The following IGSF9B variants were observed in gnomAD, a reference collection of about 807,000 sequenced individuals.
The protein encoded by IGSF9B is protein turtle homolog B.
A neutral mutation model predicts 143.7 loss-of-function variants in IGSF9B; 48 were observed. That is an observed-to-expected ratio of 0.33 (90% CI 0.26 to 0.42). The LOEUF (loss-of-function observed/expected upper bound fraction) is 0.42. Ranked by LOEUF, IGSF9B falls within the 20% of genes least tolerant of loss-of-function variation. The pLI, the probability that IGSF9B is intolerant of heterozygous loss-of-function variation, is 1.00. For synonymous variants in IGSF9B, 903 were observed against 833.1 expected (o/e 1.08, Z -1.44); for missense variants, 1,706 against 1,980.0 (o/e 0.86, Z 2.63).
chr11:133,914,434 C>G (rs979539382), intron 18 of IGSF9B, among the ~76,000 whole-genome samples: 1 of 152,190 alleles, frequency 6.6e-6, no homozygotes, highest in Non-Finnish European at 1.5e-5. Context: ...GTACTTGAGG[C>G]GAGCACTGAC....
chr11:133,947,426 G>C (rs1940073622), intron 1 of IGSF9B, among the ~76,000 whole-genome samples: 2 of 152,218 alleles, frequency 1.3e-5, no homozygotes, highest in South Asian at 4.1e-4. Flanking sequence ...TCTGGTCCCA[G>C]GCCGGGCACC....
Position 133,953,871 on chromosome 11 carries a change from C to G in IGSF9B, c.64+2820G>C, listed in dbSNP as rs904353471. 6.6e-6 allele frequency among the ~76,000 whole-genome samples: 1 copy of G among 152,208 alleles called. No homozygotes were observed. The highest frequency in any genetic ancestry group is 2.4e-5 in the African/African-American group (1 of 41,458). ...TTCTGGGTACCACTCCAGCCCCTCT[C>G]TTCTCCACACTTCCCCAACCTGTCC... On this transcript the variant is annotated intron_variant, in intron 1 of 19. Transcript: ENST00000533871. This position sits in a 1 kb window ranked among gnomAD's most constrained non-coding sequence, Gnocchi z 4.2.
chr11:133,944,102 G>A (rs1042288818), intron 3 of IGSF9B, 118 bp downstream of exon 3: 8 of 1,113,290 alleles, frequency 7.2e-6, no homozygotes, highest in Non-Finnish European at 1.0e-5. Context: ...AACAAGGAGG[G>A]GGGCAGGGGG....
intron 17 of IGSF9B, 61 bp downstream of exon 17, chr11:133,922,116 G>A (rs1382162661): frequency 3.5e-5 from 49 of 1,396,226 alleles, no homozygotes; most frequent in Middle Eastern, 3.5e-4. Context: ...TAAGGCGAGC[G>A]GTCTACCTAT....
intron 19 of IGSF9B, among the ~76,000 whole-genome samples, chr11:133,911,573 A>G (rs1242809350): frequency 6.6e-6 from 1 of 152,274 alleles, no homozygotes; most frequent in Non-Finnish European, 1.5e-5. Flanking sequence ...GTAGGCACAG[A>G]AAAGTTTCCA....
At position 133,905,906 on chromosome 11, in the gene IGSF9B, C is replaced by T. The variant is rs901622801; in HGVS notation, c.*3163G>A. ...CCTCGTCGTACATCTTCTCTCCCCACGCAAATGCAGTTGTCCAGGCCCCGC... is the reference window on the plus strand; with the variant it reads ...CCTCGTCGTACATCTTCTCTCCCCATGCAAATGCAGTTGTCCAGGCCCCGC... On this transcript the variant is annotated 3_prime_UTR_variant, in exon 20 of 20. Transcript: ENST00000533871. This position sits in a 1 kb window ranked among gnomAD's most constrained non-coding sequence, Gnocchi z 4.0. Among the ~76,000 whole-genome samples the T allele has an allele frequency of 2.6e-5, 4 of 152,240 alleles. No homozygotes were observed. Among genetic ancestry groups the T allele is most frequent in the African/African-American group, 4.8e-5 (2 of 41,470 alleles).
intron 1 of IGSF9B, 93 bp downstream of exon 1, chr11:133,956,598 C>T: frequency 1.2e-6 from 1 of 855,476 alleles, no homozygotes; most frequent in Admixed American, 2.5e-5. Context: ...GCTGGGGAAC[C>T]GGGGGGCCAA....
At chr11:133,951,993 C>T (rs1339656264) in intron 1 of IGSF9B, 4 of 451,958 alleles carry the variant, frequency 8.9e-6, no homozygotes, top group Admixed American at 2.4e-5. Flanking sequence ...GGGGCACACA[C>T]GACCAGGAGG....
Position 133,921,257 on chromosome 11 carries a change from G to A in IGSF9B, c.2468C>T (p.Thr823Ile). The A allele has an allele frequency of 6.2e-7, 1 of 1,611,270 alleles. No individual in the cohort carries two copies. The highest frequency in any genetic ancestry group is 8.5e-7 in the Non-Finnish European group (1 of 1,179,224). Residue 823 changes from threonine (T) to isoleucine (I), a missense_variant, in exon 18 of 20, where the codon ACC (threonine) becomes ATC (isoleucine). This residue lies in a region of IGSF9B where 135 missense variants were observed against 181.3 expected (regional missense o/e 0.74). Coordinates refer to ENST00000533871, the MANE Select transcript of IGSF9B (RefSeq NM_001277285.4). ...CTTCTTGCTGCTGATGGCCCGCTTG[G>A]TCTTCTTGTACAGCGACAGCTCCTT... is the stretch of plus-strand genomic sequence containing the variant. ...REKELSLYKK[T>I]KRAISSKKYS...
chr11:133,937,320 G>A, intron 5 of IGSF9B, 56 bp downstream of exon 5: 8 of 1,343,098 alleles, frequency 6.0e-6, no homozygotes, highest in Non-Finnish European at 8.4e-6. Flanking sequence ...AGCTCAGCCG[G>A]GCTGGACATC....
In IGSF9B at chr11:133,903,066, C is replaced by G. The variant is rs1939164785; in HGVS notation, c.*6003G>C. ...CTCCCACCACCTCCCCATCGTAAAC[C>G]ACGCACATGTTCACGATCCCTGGAG... On this transcript the variant is annotated 3_prime_UTR_variant, in exon 20 of 20. Transcript: ENST00000533871. Among the ~76,000 whole-genome samples the G allele has an allele frequency of 6.6e-6, 1 of 151,994 alleles. No individual in the cohort carries two copies. The highest frequency in any genetic ancestry group is 1.5e-5 in the Non-Finnish European group (1 of 68,014).
chr11:133,940,071 AACAT>A (rs1393358627), intron 3 of IGSF9B, among the ~76,000 whole-genome samples: 1 of 134,656 alleles, frequency 7.4e-6, no homozygotes, highest in Non-Finnish European at 1.6e-5. Context: ...CATATACAGA[AACAT>A]ACACCTTGCA....
chr11:133,947,780 CTG>C (rs781322302), intron 1 of IGSF9B, among the ~76,000 whole-genome samples: 1 of 148,072 alleles, frequency 6.8e-6, no homozygotes, highest in Non-Finnish European at 1.5e-5. Context: ...ACTGGTTCCT[CTG>C]TGTGTCTGTC....
In IGSF9B at chr11:133,907,705, C is replaced by T. The variant is rs1170707339; in HGVS notation, c.*1364G>A. ...ACTTTGGCAGAGGAAGAGTCAGTGC[C>T]CAGACCCTACTCACCACCCCTCCCG... is the stretch of plus-strand genomic sequence containing the variant. On this transcript the variant is annotated 3_prime_UTR_variant, in exon 20 of 20. Transcript: ENST00000533871. 6.6e-6 allele frequency among the ~76,000 whole-genome samples: 1 copy of T among 152,138 alleles called. No homozygotes were observed. Among genetic ancestry groups the T allele is most frequent in the Non-Finnish European group, 1.5e-5 (1 of 68,026 alleles).
rs1454953059 is a variant in IGSF9B, at chr11:133,932,207, G to A, written c.974C>T (p.Ala325Val). 2 of 1,560,600 alleles carry A rather than the reference G, an allele frequency of 1.3e-6. No individual in the cohort carries two copies. Among genetic ancestry groups the A allele is most frequent in the African/African-American group, 1.4e-5 (1 of 73,634 alleles). The change falls in exon 8 of 20, where the codon GCG becomes GTG. Residue 325 changes from alanine to valine, a missense_variant. Around this residue, in one of 7 missense-constraint regions of IGSF9B, gnomAD observed 238 missense variants for 452.6 expected, o/e 0.53. Transcript: ENST00000533871. ...ASAYLTVQYPARVLNMPPVIY... is the reference protein window; with the variant it reads ...ASAYLTVQYPVRVLNMPPVIY... ...CACAGGGGGCATGTTGAGGACACGC[G>A]CTGGGTCTGCATAGAGGAAGCGCAG...
At chr11:133,918,918 A>G (rs531979452) in intron 18 of IGSF9B, 1 of 458,590 alleles carries the variant, frequency 2.2e-6, no homozygotes, top group Non-Finnish European at 4.4e-6. Flanking sequence ...AGGAGAGAGA[A>G]AGACTGACTG....
At chr11:133,956,594 G>A (rs1940260164) in intron 1 of IGSF9B, 97 bp downstream of exon 1, 5 of 812,960 alleles carry the variant, frequency 6.2e-6, no homozygotes, top group Non-Finnish European at 9.7e-6. Context: ...GGGAGCTGGG[G>A]AACCGGGGGG....
chr11:133,901,862 GCACCACACACGCACCACACACA>G lies in IGSF9B; in HGVS notation c.*7185_*7206del, dbSNP rs1939127769. 1.2e-5 allele frequency among the ~76,000 whole-genome samples: 1 copy of G among 82,824 alleles called. No individual in the cohort carries two copies. Among genetic ancestry groups the G allele is most frequent in the East Asian group, 3.8e-4 (1 of 2,632 alleles). 54.3% of individuals were successfully genotyped at this position (82,824 alleles called of 152,430 possible). A position where few individuals can be genotyped will look rare whatever the true frequency, so the allele number is the denominator to read the frequency against. Reference sequence around the variant, plus strand: ...CACACACCACACACGCACCACACACGCACCACACACGCACCACACACACACACAACACACACACAACACACCA... The same window carrying G: ...CACACACCACACACGCACCACACACGCACACAACACACACACAACACACCA... On this transcript the variant is annotated 3_prime_UTR_variant, in exon 20 of 20. Transcript: ENST00000533871.
intron 1 of IGSF9B, among the ~76,000 whole-genome samples, chr11:133,951,272 G>A (rs1940153797): frequency 6.6e-6 from 1 of 152,170 alleles, no homozygotes; most frequent in African/African-American, 2.4e-5. Context: ...TTCTGCCTGC[G>A]GGAAAGCCCC....
Sources: gnomAD v4.1 joint callset for allele counts (sites outside exome capture counted in the v4.1 genomes callset) on GRCh38, gnomAD v4.1.1 for gene constraint, gnomAD v4.1.1 regional missense constraint, Gnocchi (gnomAD v3.1) non-coding constraint, MANE v1.5 for transcripts, NCBI Gene and HGNC (gene_info 2026-07-23, HGNC 2026-07-21) for gene names.